Variants in SLC39A10 observed in about 807,000 individuals in gnomAD.
SLC39A10 encodes zinc transporter ZIP10.
SLC39A10 carries 13 observed loss-of-function variants against 65.1 expected under a neutral mutation model. The observed-to-expected ratio is 0.20, with a 90% CI of 0.13 to 0.32. The LOEUF (loss-of-function observed/expected upper bound fraction) is 0.32. Among genes scored for constraint, SLC39A10 ranks in the 10% least tolerant of loss-of-function variants. The probability of loss-of-function intolerance (pLI) is 1.00; values close to 1 mark genes in which losing one functional copy is unlikely to be tolerated. For missense variants in SLC39A10, 831 were observed against 1,018.4 expected, an observed-to-expected ratio of 0.82 and a Z score of 2.50; for synonymous variants, 321 against 342.2, an observed-to-expected ratio of 0.94 and a Z score of 0.68.
chr2:195,708,594 T>G, intron 4 of SLC39A10, 62 bp from the exon 5 acceptor site: 1 of 1,287,300 alleles, frequency 7.8e-7, no homozygotes. Flanking sequence ...TTATTATAAT[T>G]TCAAAATTTT....
intron 3 of SLC39A10, among the ~76,000 whole-genome samples, chr2:195,698,270 C>T (rs999017668): frequency 2.0e-5 from 3 of 152,058 alleles, no homozygotes; most frequent in Non-Finnish European, 1.5e-5. Flanking sequence ...CAAGTGCAAA[C>T]AGATGTAATT....
Position 195,735,186 on chromosome 2 carries a change from G to A in SLC39A10, c.*145G>A, listed in dbSNP as rs111663303. ...ATAGATTTGAGCCTAACCACAAGAG[G>A]CTGGTGCTTAGTACTGTTTTCCCTG... On this transcript the variant is annotated 3_prime_UTR_variant, in exon 10 of 10. Coordinates refer to ENST00000359634, the MANE Select transcript of SLC39A10 (RefSeq NM_020342.3). 1.3e-5 allele frequency: 10 copies of A among 776,780 alleles called. 1 individual carries two copies. The highest frequency in any genetic ancestry group is 9.0e-5 in the African/African-American group (5 of 55,488). The allele number at this position is 776,780 out of a possible 1,614,324, so 48.1% of individuals were successfully genotyped here.
At chr2:195,647,835 C>G (rs189560598) in intron 2 of SLC39A10, among the ~76,000 whole-genome samples, 8 of 152,042 alleles carry the variant, frequency 5.3e-5, no homozygotes, top group Non-Finnish European at 1.0e-4. Context: ...TTAAAGCAAC[C>G]CTATTAACTG....
chr2:195,706,541 A>C (rs1035261315), intron 3 of SLC39A10, 75 bp from the exon 4 acceptor site: 2 of 1,362,710 alleles, frequency 1.5e-6, no homozygotes, highest in African/African-American at 3.0e-5. Context: ...CATTTATCTT[A>C]TATTTTTATT....
intron 1 of SLC39A10, 24 bp from the exon 2 acceptor site, chr2:195,680,008 G>A (rs766374556): frequency 6.5e-7 from 1 of 1,535,824 alleles, no homozygotes; most frequent in Non-Finnish European, 8.7e-7. Context: ...ACTAATACTT[G>A]TCTCTCTCTT....
At position 195,716,767 on chromosome 2, in the gene SLC39A10, C is replaced by T. The variant is rs142301759; in HGVS notation, c.1827C>T (p.His609=). Residue 609 remains histidine (H), a synonymous_variant, in exon 7 of 10, where the codon CAC becomes CAT. Transcript: ENST00000359634. ...IEEEKIIDHS[H]SDGLHTIHEH... is the part of the protein sequence containing the mutation. ...AGGAGAAAATCATAGACCATTCTCACAGTGATGGATTACATACCATTCATG... is the reference window on the plus strand; with the variant it reads ...AGGAGAAAATCATAGACCATTCTCATAGTGATGGATTACATACCATTCATG... 15 of 1,614,040 alleles carry T rather than the reference C, an allele frequency of 9.3e-6. No individual in the cohort carries two copies. In the African/African-American group the frequency reaches 2.0e-4, roughly 22 times the overall value.
upstream of SLC39A10, among the ~76,000 whole-genome samples, chr2:195,656,512 A>C (rs1301636721): frequency 6.6e-6 from 1 of 152,052 alleles, no homozygotes; most frequent in African/African-American, 2.4e-5. Context: ...AGCCTCGAGA[A>C]TTTCTCTACA....
chr2:195,713,510 C>A lies in SLC39A10; in HGVS notation c.1653C>A (p.Asn551Lys). ...IGRKLSDHKL[N>K]NTPDSDWLQL... Reference sequence around the variant, plus strand: ...GAAAGCTTTCAGATCACAAGTTAAACAATACACCAGATTCTGACTGGCTTC... The same window carrying A: ...GAAAGCTTTCAGATCACAAGTTAAAAAATACACCAGATTCTGACTGGCTTC... Residue 551 changes from asparagine (N) to lysine (K), a missense_variant, in exon 6 of 10, where the codon AAC becomes AAA. Transcript: ENST00000359634. 6.3e-7 allele frequency: 1 copy of A among 1,584,366 alleles called. No homozygotes were observed. Among genetic ancestry groups the A allele is most frequent in the Non-Finnish European group, 8.5e-7 (1 of 1,172,034 alleles).
intron 1 of SLC39A10, among the ~76,000 whole-genome samples, chr2:195,672,491 A>G (rs1018922480): frequency 1.1e-4 from 17 of 152,322 alleles, no homozygotes; most frequent in Admixed American, 5.9e-4. Context: ...TTGCAAAGTT[A>G]GTGAATGATT....
At chr2:195,719,681 G>C (rs1335485611) in intron 8 of SLC39A10, among the ~76,000 whole-genome samples, 2 of 150,558 alleles carry the variant, frequency 1.3e-5, no homozygotes, top group Admixed American at 1.3e-4. Context: ...GCAGTGGCAT[G>C]ATCTTGACTC....
chr2:195,622,126 G>A (rs1688360699), intron 2 of SLC39A10, among the ~76,000 whole-genome samples: 2 of 152,146 alleles, frequency 1.3e-5, no homozygotes, highest in African/African-American at 4.8e-5. Flanking sequence ...AGCATTTTGG[G>A]AGGCCGAGGT....
chr2:195,681,099 TGTG>T (rs771523199), intron 2 of SLC39A10, 49 bp downstream of exon 2: 1 of 1,527,564 alleles, frequency 6.5e-7, no homozygotes, highest in African/African-American at 1.4e-5. Context: ...CTCACATAAT[TGTG>T]GTGCATTTTA....
intron 1 of SLC39A10, among the ~76,000 whole-genome samples, chr2:195,665,966 T>C: frequency 6.6e-6 from 1 of 152,344 alleles, no homozygotes; most frequent in East Asian, 1.9e-4. Context: ...TAAATATTAT[T>C]TTATACAATG....
At chr2:195,696,978 G>A (rs759552731) in intron 3 of SLC39A10, among the ~76,000 whole-genome samples, 2 of 152,022 alleles carry the variant, frequency 1.3e-5, no homozygotes, top group Non-Finnish European at 2.9e-5. Context: ...TTTTCTATTC[G>A]TTATTCATAT....
At chr2:195,733,980 G>C (rs1692506279) in intron 9 of SLC39A10, among the ~76,000 whole-genome samples, 1 of 152,040 alleles carries the variant, frequency 6.6e-6, no homozygotes, top group South Asian at 2.1e-4. Flanking sequence ...GTTGTTTTCT[G>C]TGTCTGTTAT....
chr2:195,656,472 G>T (rs1244733166), upstream of SLC39A10, among the ~76,000 whole-genome samples: 1 of 152,182 alleles, frequency 6.6e-6, no homozygotes, highest in Admixed American at 6.5e-5. Context: ...TTGAGGAGTA[G>T]AGGAGTGAAG....
At chr2:195,646,726 C>G (rs547002678) in intron 2 of SLC39A10, among the ~76,000 whole-genome samples, 20 of 151,482 alleles carry the variant, frequency 1.3e-4, no homozygotes, top group African/African-American at 4.6e-4. Context: ...CGAGCATTAC[C>G]GCCTGAGCTT....
intron 2 of SLC39A10, among the ~76,000 whole-genome samples, chr2:195,619,092 CAAAAAAAAAA>C (rs66627464): frequency 1.4e-5 from 1 of 69,656 alleles, no homozygotes; most frequent in South Asian, 5.7e-4. Flanking sequence ...GACTCTGTCT[CAAAAAAAAAA>C]AAAAAAAAAA....
chr2:195,624,280 G>T (rs535893147), intron 2 of SLC39A10, among the ~76,000 whole-genome samples: 1 of 150,346 alleles, frequency 6.7e-6, no homozygotes, highest in African/African-American at 2.5e-5. Context: ...CCAGCTACTC[G>T]GGAGGCTGAG....
Sources: gnomAD v4.1 joint callset for allele counts (sites outside exome capture counted in the v4.1 genomes callset) on GRCh38, gnomAD v4.1.1 for gene constraint, MANE v1.5 for transcripts, NCBI Gene and HGNC (gene_info 2026-07-23, HGNC 2026-07-21) for gene names.